The following RTL9 variants were observed in gnomAD, a reference collection of about 807,000 sequenced individuals.
The protein encoded by RTL9 is retrotransposon Gag like 9.
A neutral mutation model predicts 44.7 loss-of-function variants in RTL9; 19 were observed. That is an observed-to-expected ratio of 0.42 (90% CI 0.30 to 0.62). RTL9 has a LOEUF of 0.62. Ranked by LOEUF, RTL9 falls within the 20% of genes least tolerant of loss-of-function variation. The probability of loss-of-function intolerance (pLI) is 0.16; values close to 1 mark genes in which losing one functional copy is unlikely to be tolerated. For synonymous variants in RTL9, 407 were observed against 398.9 expected (o/e 1.02, Z -0.24); for missense variants, 1,105 against 1,080.6 (o/e 1.02, Z -0.32).
chrX:110,450,845 A>T, exon 1 of RTL9: 1 of 1,211,467 alleles, frequency 8.3e-7, no homozygotes, highest in Non-Finnish European at 1.1e-6. Flanking sequence ...CCATGTCTGC[A>T]CCTCTAATGG....
chrX:110,419,827 A>G (rs1440866802), intron 1 of RTL9, among the ~76,000 whole-genome samples: 1 of 112,472 alleles, frequency 8.9e-6, no homozygotes, highest in African/African-American at 3.2e-5. Flanking sequence ...TATGAAATTA[A>G]ACAAAAGAAA....
Position 110,442,751 on chromosome X carries a change from A to G in RTL9, c.-167-2402A>G, listed in dbSNP as rs371821802. 2.4e-4 allele frequency among the ~76,000 whole-genome samples: 27 copies of G among 111,692 alleles called. 1 individual carries two copies. The East Asian group carries it at 7.3e-3, about 30-fold the overall frequency. ...AGTTTCCATCCACAGACCCTAGCTG[A>G]GGGAAGTAGCAGTTTCTTATGAATA... On this transcript the variant is annotated intron_variant, in intron 1 of 3. Coordinates refer to the RTL9 transcript ENST00000465301.
At chrX:110,431,698 C>G (rs1474304874) in intron 1 of RTL9, among the ~76,000 whole-genome samples, 1 of 111,852 alleles carries the variant, frequency 8.9e-6, no homozygotes, top group Non-Finnish European at 1.9e-5. Context: ...TTCATTGCCC[C>G]TGTCCTGCTG....
chrX:110,453,368 C>T (rs1421091752), exon 1 of RTL9: 1 of 1,211,711 alleles, frequency 8.3e-7, no homozygotes, highest in East Asian at 3.0e-5. Context: ...TAAGGAGACC[C>T]TCAGCCTGTG....
At chrX:110,424,275 G>A (rs891724224) in intron 1 of RTL9, among the ~76,000 whole-genome samples, 4 of 111,606 alleles carry the variant, frequency 3.6e-5, no homozygotes, top group Non-Finnish European at 7.5e-5. Context: ...CCTTAGAAAA[G>A]TTTTCTTACT....
At position 110,384,268 on chromosome X, in the gene RTL9, G is replaced by T. The variant is rs939759948; in HGVS notation, c.-168+25352G>T. On this transcript the variant is annotated intron_variant, in intron 1 of 2. Coordinates refer to the RTL9 transcript ENST00000520821. ...ATGGGCTCATTAAGTATTTGTTGGG[G>T]TCAGTATATTATACTGAAAAAAGCA... is the stretch of plus-strand genomic sequence containing the variant. Among the ~76,000 whole-genome samples, 7 of 110,417 alleles carry T rather than the reference G, an allele frequency of 6.3e-5. No homozygotes were observed. In the East Asian group the frequency reaches 8.5e-4, roughly 13 times the overall value.
At chrX:110,376,648 A>G (rs1035925087) in intron 1 of RTL9, among the ~76,000 whole-genome samples, 11 of 112,534 alleles carry the variant, frequency 9.8e-5, no homozygotes, top group Admixed American at 8.4e-4. Flanking sequence ...CTTTTAGTGG[A>G]GGTGAAGTGT....
At chrX:110,377,529 C>T (rs2068385436) in intron 1 of RTL9, among the ~76,000 whole-genome samples, 1 of 111,830 alleles carries the variant, frequency 8.9e-6, no homozygotes, top group Non-Finnish European at 1.9e-5. Flanking sequence ...TTGTAAAAGG[C>T]TCGAACTATT....
intron 1 of RTL9, among the ~76,000 whole-genome samples, chrX:110,368,767 G>T (rs984865047): frequency 1.8e-5 from 2 of 111,690 alleles, no homozygotes; most frequent in Non-Finnish European, 3.8e-5. Context: ...TATCCCTAGT[G>T]TGTAATGTGG....
intron 1 of RTL9, chrX:110,439,947 G>A (rs759543802): frequency 2.7e-5 from 3 of 110,704 alleles, no homozygotes; most frequent in African/African-American, 9.9e-5. Context: ...AATGCCTGCC[G>A]AGTCAGTTGC....
intron 1 of RTL9, among the ~76,000 whole-genome samples, chrX:110,423,328 CAA>C (rs764253802): frequency 3.3e-5 from 2 of 60,728 alleles, no homozygotes; most frequent in Non-Finnish European, 6.3e-5. Flanking sequence ...AACTCGGTCT[CAA>C]AAAAAAAAAA....
At chrX:110,409,535 G>T (rs866732435) in intron 1 of RTL9, among the ~76,000 whole-genome samples, 9 of 111,553 alleles carry the variant, frequency 8.1e-5, no homozygotes, top group South Asian at 3.8e-4. Flanking sequence ...AATGAGGCTC[G>T]AGTATTGTAC....
intron 1 of RTL9, among the ~76,000 whole-genome samples, chrX:110,389,775 C>T (rs1455776895): frequency 3.7e-5 from 4 of 107,973 alleles, no homozygotes; most frequent in East Asian, 5.7e-4. Flanking sequence ...GGAGGAAAGG[C>T]GGGGCAGGGA....
chrX:110,455,451 A>T (rs995801276), exon 2 of RTL9: 1 of 798,272 alleles, frequency 1.3e-6, no homozygotes, highest in African/African-American at 2.1e-5. Context: ...CTCCAGGCAC[A>T]TCCCACCTTA....
At chrX:110,445,224 G>A (rs1289638451) in exon 2 of RTL9, 1 of 112,406 alleles carries the variant, frequency 8.9e-6, no homozygotes, top group Non-Finnish European at 1.9e-5. Flanking sequence ...AGACAGACCC[G>A]AGTGACAAGC....
intron 1 of RTL9, among the ~76,000 whole-genome samples, chrX:110,377,977 C>A (rs998200943): frequency 8.2e-5 from 8 of 96,987 alleles, no homozygotes; most frequent in Non-Finnish European, 1.4e-4. Flanking sequence ...CCACTGCACT[C>A]CAGCCTGGGC....
upstream of RTL9, among the ~76,000 whole-genome samples, chrX:110,450,272 C>G (rs906222452): frequency 1.8e-5 from 2 of 111,545 alleles, no homozygotes; most frequent in Non-Finnish European, 3.8e-5. Flanking sequence ...GAAGGTGGTG[C>G]TGCTGCTTTA....
chrX:110,370,867 T>C (rs1257354258), intron 1 of RTL9, among the ~76,000 whole-genome samples: 2 of 112,266 alleles, frequency 1.8e-5, no homozygotes, highest in African/African-American at 6.5e-5. Flanking sequence ...CTTGCAAATA[T>C]AAAAATTTGG....
chrX:110,403,463 C>T (rs1460913433), intron 1 of RTL9, among the ~76,000 whole-genome samples: 2 of 111,750 alleles, frequency 1.8e-5, no homozygotes, highest in Non-Finnish European at 3.8e-5. Context: ...CAGACACACA[C>T]ACACGCATGC....
Sources: gnomAD v4.1 joint callset for allele counts (sites outside exome capture counted in the v4.1 genomes callset) on GRCh38, gnomAD v4.1.1 for gene constraint, MANE v1.5 for transcripts, NCBI Gene and HGNC (gene_info 2026-07-23, HGNC 2026-07-21) for gene names.